GRIN3A: variants seen among roughly 807,000 people sequenced by gnomAD.
GRIN3A encodes glutamate receptor ionotropic, NMDA 3A.
A neutral mutation model predicts 92.4 loss-of-function variants in GRIN3A; 47 were observed. The ratio of observed to expected loss-of-function variants is 0.51; its 90% CI spans 0.40 to 0.65. The LOEUF (loss-of-function observed/expected upper bound fraction) is 0.65. Among genes scored for constraint, GRIN3A ranks in the 30% least tolerant of loss-of-function variants. GRIN3A has a pLI of 0.00. For missense variants in GRIN3A, 1,324 were observed against 1,393.1 expected (o/e 0.95, Z 0.79); for synonymous variants, 527 against 540.6 (o/e 0.97, Z 0.35).
At chr9:101,678,814 A>T (rs1050899445) in intron 2 of GRIN3A, among the ~76,000 whole-genome samples, 2 of 152,136 alleles carry the variant, frequency 1.3e-5, no homozygotes, top group African/African-American at 4.8e-5. Context: ...TCTTGCTTCC[A>T]TGTGTTGTAA....
chr9:101,625,986 A>G (rs566548199), intron 4 of GRIN3A, among the ~76,000 whole-genome samples: 7 of 152,312 alleles, frequency 4.6e-5, no homozygotes, highest in Admixed American at 3.3e-4. Context: ...TTTGGACTGC[A>G]AAGTGCAGAT....
chr9:101,633,919 T>C (rs1276271611), intron 3 of GRIN3A, among the ~76,000 whole-genome samples: 2 of 152,152 alleles, frequency 1.3e-5, no homozygotes, highest in African/African-American at 2.4e-5. Flanking sequence ...AAACTGCTAA[T>C]TGATGCAAAT....
At chr9:101,733,252 G>C (rs970406924) in intron 1 of GRIN3A, among the ~76,000 whole-genome samples, 7 of 152,148 alleles carry the variant, frequency 4.6e-5, no homozygotes, top group Non-Finnish European at 4.4e-5. Context: ...AAAGTAAAGC[G>C]GGAGAGACAA....
At chr9:101,668,248 G>A (rs1829269055) in intron 3 of GRIN3A, among the ~76,000 whole-genome samples, 3 of 151,736 alleles carry the variant, frequency 2.0e-5, no homozygotes, top group South Asian at 2.1e-4. Context: ...TTCATGCATA[G>A]CATCCCTGGC....
intron 1 of GRIN3A, among the ~76,000 whole-genome samples, chr9:101,714,272 C>T (rs750279289): frequency 6.6e-6 from 1 of 151,402 alleles, no homozygotes; most frequent in Non-Finnish European, 1.5e-5. Context: ...CTGAGATAGA[C>T]AATAATAGGA....
intron 1 of GRIN3A, among the ~76,000 whole-genome samples, chr9:101,732,603 G>A (rs1830153518): frequency 6.6e-6 from 1 of 152,076 alleles, no homozygotes. Context: ...AGAAAAAAAT[G>A]AGGGAGAGGG....
At chr9:101,680,523 C>G (rs1168576023) in intron 2 of GRIN3A, among the ~76,000 whole-genome samples, 1 of 152,094 alleles carries the variant, frequency 6.6e-6, no homozygotes, top group Non-Finnish European at 1.5e-5. Flanking sequence ...TGTGTTGAAT[C>G]ATAATTCAGG....
intron 1 of GRIN3A, among the ~76,000 whole-genome samples, chr9:101,719,522 G>T (rs902801268): frequency 6.6e-6 from 1 of 151,968 alleles, no homozygotes; most frequent in Non-Finnish European, 1.5e-5. Context: ...AATACTGTAG[G>T]CAGAGATGGT....
intron 6 of GRIN3A, among the ~76,000 whole-genome samples, chr9:101,603,318 T>A (rs1346262337): frequency 6.6e-6 from 1 of 152,210 alleles, no homozygotes; most frequent in Non-Finnish European, 1.5e-5. Flanking sequence ...ATATATGTAT[T>A]TTTTCTGCGT....
At chr9:101,736,082 C>A (rs575148507) in intron 1 of GRIN3A, among the ~76,000 whole-genome samples, 2 of 152,162 alleles carry the variant, frequency 1.3e-5, no homozygotes, top group African/African-American at 4.8e-5. Flanking sequence ...GTTTTTATCT[C>A]GGCACATATA....
chr9:101,616,910 GA>G (rs1828464085), intron 5 of GRIN3A, among the ~76,000 whole-genome samples: 1 of 138,094 alleles, frequency 7.2e-6, no homozygotes, highest in African/African-American at 2.6e-5. Context: ...AAAAAAAAAG[GA>G]ACAAAAGGGC....
Position 101,698,773 on chromosome 9 carries a change from A to G in GRIN3A, c.700-11573T>C, listed in dbSNP as rs570292728. 1.1e-4 allele frequency among the ~76,000 whole-genome samples: 17 copies of G among 152,144 alleles called. No homozygotes were observed. The South Asian group carries it at 3.5e-3, about 32-fold the overall frequency. On this transcript the variant is annotated intron_variant, in intron 1 of 8. Transcript: ENST00000361820. ...AACCTCCGGCTCCTGGGTTCAAGCG[A>G]TTCTTCTGCCTCAGCCTCCCAAGTA...
intron 2 of GRIN3A, among the ~76,000 whole-genome samples, chr9:101,682,842 C>T (rs900000328): frequency 3.9e-4 from 60 of 152,192 alleles, no homozygotes; most frequent in Admixed American, 1.0e-3. Flanking sequence ...ATTAGCCAGG[C>T]GTGGTGGCGG....
intron 6 of GRIN3A, among the ~76,000 whole-genome samples, chr9:101,596,370 C>T (rs73507212): frequency 0.018 from 2,755 of 152,206 alleles, 85 homozygotes; most frequent in African/African-American, 0.063. Flanking sequence ...CATTTATTTG[C>T]TTGCTTTTCA....
rs570603022 is a variant in GRIN3A, at chr9:101,594,401, A to G, written c.2767-15041T>C. ...GAAGTTGTTGGGTGGTGCTTGTAAG[A>G]AAAAGGCTCATACGATGAGGACCAG... On this transcript the variant is annotated intron_variant, in intron 6 of 8. Transcript: ENST00000361820. 8 of 1,583,862 alleles carry G rather than the reference A, an allele frequency of 5.1e-6. No homozygotes were observed. In the African/African-American group the frequency reaches 1.1e-4, roughly 21 times the overall value.
rs538032344 is a variant in GRIN3A at position 101,708,331 on chromosome 9, G to A, written c.700-21131C>T. On this transcript the variant is annotated intron_variant, in intron 1 of 8. Coordinates refer to ENST00000361820, the MANE Select transcript of GRIN3A (RefSeq NM_133445.3). ...GTGTTGTCCAGTGTTGAGGAGACTGGAATTATACGTCTTTTATGTATCTTT... is the reference window on the plus strand; with the variant it reads ...GTGTTGTCCAGTGTTGAGGAGACTGAAATTATACGTCTTTTATGTATCTTT... 2.0e-5 allele frequency among the ~76,000 whole-genome samples: 3 copies of A among 152,244 alleles called. No homozygotes were observed. The South Asian group carries it at 6.2e-4, about 32-fold the overall frequency.
chr9:101,637,830 G>A (rs1828804846), intron 3 of GRIN3A, among the ~76,000 whole-genome samples: 1 of 152,072 alleles, frequency 6.6e-6, no homozygotes, highest in Non-Finnish European at 1.5e-5. Flanking sequence ...CCTGATCTAG[G>A]CAGGAAGGTG....
chr9:101,680,322 A>G lies in GRIN3A; in HGVS notation c.1304+6274T>C, dbSNP rs375157876. On this transcript the variant is annotated intron_variant, in intron 2 of 8. Transcript: ENST00000361820. ...TTTATATGTTGGGTTTTTTGAATGG[A>G]CATTTGTTTGATTCATTTTTTTGAA... Among the ~76,000 whole-genome samples, 21 of 152,294 alleles carry G rather than the reference A, an allele frequency of 1.4e-4. No homozygotes were observed. The East Asian group carries it at 3.1e-3, about 22-fold the overall frequency.
intron 1 of GRIN3A, among the ~76,000 whole-genome samples, chr9:101,718,964 A>C (rs543523454): frequency 6.6e-6 from 1 of 152,344 alleles, no homozygotes; most frequent in African/African-American, 2.4e-5. Context: ...TAAAACAACA[A>C]GTTAATTTAA....
Sources: allele counts gnomAD v4.1 joint callset (sites outside exome capture counted in the v4.1 genomes callset), GRCh38; gene constraint gnomAD v4.1.1; transcripts MANE v1.5; gene names NCBI Gene and HGNC (gene_info 2026-07-23, HGNC 2026-07-21).